The following NPSR1 variants were observed in gnomAD, a reference collection of about 807,000 sequenced individuals.
NPSR1 encodes neuropeptide S receptor.
In NPSR1, 48 loss-of-function variants were observed where a neutral mutation model predicts 46.9. The observed-to-expected ratio is 1.02, with a 90% CI of 0.81 to 1.30. The LOEUF (loss-of-function observed/expected upper bound fraction) is 1.30. Among genes scored for constraint, NPSR1 ranks in the 50% most tolerant of loss-of-function variants. The pLI, the probability that NPSR1 is intolerant of heterozygous loss-of-function variation, is 0.00. For missense variants in NPSR1, 450 were observed against 449.5 expected (o/e 1.00, Z -0.01); for synonymous variants, 176 against 168.1 (o/e 1.05, Z -0.36).
At chr7:34,845,407 C>G (rs34210651) in intron 7 of NPSR1, among the ~76,000 whole-genome samples, 18 of 152,232 alleles carry the variant, frequency 1.2e-4, no homozygotes, top group African/African-American at 4.3e-4. Context: ...CCTTATGGCA[C>G]CTTACCTGTC....
chr7:34,834,432 C>T lies in NPSR1; in HGVS notation c.729C>T (p.Thr243=). Residue 243 remains threonine, a synonymous_variant, in exon 6 of 9, where the codon ACC becomes ACT. Coordinates refer to ENST00000360581, the MANE Select transcript of NPSR1 (RefSeq NM_207172.2). ...GAACTATTTGGATTAAAAGCAAAACCTACGAAACAGTGATTTCCAACTGCT... is the reference window on the plus strand; with the variant it reads ...GAACTATTTGGATTAAAAGCAAAACTTACGAAACAGTGATTTCCAACTGCT... ...VIRTIWIKSK[T]YETVISNCSD... 1 of 1,613,096 alleles carries T rather than the reference C, an allele frequency of 6.2e-7. No individual in the cohort carries two copies. Among genetic ancestry groups the T allele is most frequent in the Non-Finnish European group, 8.5e-7 (1 of 1,179,106 alleles).
intron 2 of NPSR1, among the ~76,000 whole-genome samples, chr7:34,701,611 C>T (rs1583838619): frequency 6.6e-6 from 1 of 152,220 alleles, no homozygotes. Flanking sequence ...TTCATAGACA[C>T]AGCTATCGAA....
At chr7:34,716,592 A>G (rs751185517) in intron 2 of NPSR1, among the ~76,000 whole-genome samples, 3 of 152,220 alleles carry the variant, frequency 2.0e-5, no homozygotes, top group Non-Finnish European at 2.9e-5. Flanking sequence ...ATTACAGTGG[A>G]TCATGAAGAA....
At chr7:34,820,874 C>A (rs1412853345) in intron 4 of NPSR1, among the ~76,000 whole-genome samples, 1 of 152,100 alleles carries the variant, frequency 6.6e-6, no homozygotes, top group Non-Finnish European at 1.5e-5. Flanking sequence ...TTCTTATTTG[C>A]AGGGGAAACT....
chr7:34,776,183 C>T (rs1449616019), intron 2 of NPSR1, among the ~76,000 whole-genome samples: 1 of 152,076 alleles, frequency 6.6e-6, no homozygotes, highest in Non-Finnish European at 1.5e-5. Context: ...GACCCATGTG[C>T]TGTGGAAAAT....
At chr7:34,868,010 T>G (rs1293840472) in intron 8 of NPSR1, among the ~76,000 whole-genome samples, 1 of 151,730 alleles carries the variant, frequency 6.6e-6, no homozygotes, top group Admixed American at 6.6e-5. Context: ...CCAAAAACAA[T>G]GACATTAGGG....
At chr7:34,849,436 A>C (rs1790862767) in intron 8 of NPSR1, 129 bp from the exon 9 acceptor site, 2 of 1,589,920 alleles carry the variant, frequency 1.3e-6, no homozygotes, top group Non-Finnish European at 1.7e-6. Flanking sequence ...AGGGTATTAC[A>C]TGTAAAGTGC....
At chr7:34,710,336 G>A (rs999472260) in intron 2 of NPSR1, among the ~76,000 whole-genome samples, 1 of 152,196 alleles carries the variant, frequency 6.6e-6, no homozygotes, top group Non-Finnish European at 1.5e-5. Context: ...AGGGAAGAAA[G>A]CAGAGGAAAG....
intron 2 of NPSR1, among the ~76,000 whole-genome samples, chr7:34,748,745 A>G (rs1270760323): frequency 1.3e-5 from 2 of 151,960 alleles, no homozygotes; most frequent in Non-Finnish European, 1.5e-5. Flanking sequence ...CAGGTGGAAG[A>G]GGCTTTGCTG....
chr7:34,695,316 T>C (rs185349795), intron 2 of NPSR1, among the ~76,000 whole-genome samples: 264 of 152,158 alleles, frequency 1.7e-3, no homozygotes, highest in Non-Finnish European at 3.0e-3. Context: ...TAACTCAAGA[T>C]AGATCAAAGA....
chr7:34,712,953 G>C (rs942184605), intron 2 of NPSR1, among the ~76,000 whole-genome samples: 1 of 152,066 alleles, frequency 6.6e-6, no homozygotes, highest in Non-Finnish European at 1.5e-5. Context: ...ATTTCCTTCT[G>C]CTAGTTTCAT....
chr7:34,849,727 G>A lies in NPSR1; in HGVS notation c.*72G>A, dbSNP rs936409399. On this transcript the variant is annotated 3_prime_UTR_variant, in exon 9 of 9. Coordinates refer to ENST00000360581, the MANE Select transcript of NPSR1 (RefSeq NM_207172.2). ...AGGTCCTTGTCACCTGCTTGGGCAC[G>A]TGCATGGAACCCGAGCCAACTTCAC... 144 of 1,591,682 alleles carry A rather than the reference G, an allele frequency of 9.0e-5. 2 individuals carry two copies. The highest frequency in any genetic ancestry group is 1.3e-4 in the South Asian group (11 of 87,586).
intron 8 of NPSR1, among the ~76,000 whole-genome samples, chr7:34,864,090 GAA>G (rs1474898998): frequency 1.3e-5 from 2 of 151,706 alleles, no homozygotes; most frequent in Admixed American, 1.3e-4. Context: ...GATGAAGCTG[GAA>G]ACCATCATTC....
At chr7:34,687,692 G>A (rs1247189402) in intron 2 of NPSR1, among the ~76,000 whole-genome samples, 2 of 152,162 alleles carry the variant, frequency 1.3e-5, no homozygotes, top group Admixed American at 1.3e-4. Context: ...TTTGGGTGGG[G>A]ACATAGAGTC....
chr7:34,761,191 C>G (rs1786156696), intron 2 of NPSR1: 1 of 152,618 alleles, frequency 6.6e-6, no homozygotes, highest in Admixed American at 6.5e-5. Context: ...AGAAGTCACT[C>G]CTGTGAAAGC....
intron 8 of NPSR1, among the ~76,000 whole-genome samples, chr7:34,870,284 T>C (rs969274127): frequency 4.6e-5 from 7 of 151,784 alleles, no homozygotes; most frequent in African/African-American, 1.7e-4. Flanking sequence ...GCATGACTCA[T>C]CAATATCCCC....
chr7:34,680,118 A>G (rs372694816), intron 1 of NPSR1, among the ~76,000 whole-genome samples: 1 of 152,176 alleles, frequency 6.6e-6, no homozygotes, highest in Non-Finnish European at 1.5e-5. Context: ...GCCTTCTATC[A>G]TATTATAACC....
Position 34,873,718 on chromosome 7 carries a change from T to C in NPSR1, c.1026-4358T>C, listed in dbSNP as rs538739961. Among the ~76,000 whole-genome samples, 9 of 151,728 alleles carry C rather than the reference T, an allele frequency of 5.9e-5. 1 individual carries two copies. Among genetic ancestry groups the C allele is most frequent in the African/African-American group, 1.7e-4 (7 of 41,130 alleles). On this transcript the variant is annotated intron_variant, in intron 8 of 8. Transcript: ENST00000359791. ...TCCTACCAGGCCACCACCTCCAACA[T>C]TGGGGGTTACATTTCAGCATGAGAT...
intron 1 of NPSR1, among the ~76,000 whole-genome samples, chr7:34,672,283 A>G (rs1381467670): frequency 6.6e-6 from 1 of 152,234 alleles, no homozygotes; most frequent in Non-Finnish European, 1.5e-5. Flanking sequence ...ATGGAATCTC[A>G]GAATTTAATT....
Sources: gnomAD v4.1 joint callset for allele counts (sites outside exome capture counted in the v4.1 genomes callset) on GRCh38, gnomAD v4.1.1 for gene constraint, MANE v1.5 for transcripts, NCBI Gene and HGNC (gene_info 2026-07-23, HGNC 2026-07-21) for gene names.